FANCB: variants seen among roughly 807,000 people sequenced by gnomAD.
FANCB encodes the protein Fanconi anemia group B protein.
Under a neutral mutation model 38.9 loss-of-function variants are expected in FANCB, and 5 were observed. The ratio of observed to expected loss-of-function variants is 0.13; its 90% CI spans 0.07 to 0.27. The LOEUF (loss-of-function observed/expected upper bound fraction) is 0.27, where lower values mean the gene tolerates loss of function less well. Ranked by LOEUF, FANCB falls within the 10% of genes least tolerant of loss-of-function variation. The pLI is 1.00. For synonymous variants in FANCB, 236 were observed against 215.4 expected (o/e 1.10, Z -0.84); for missense variants, 573 against 602.7 (o/e 0.95, Z 0.52).
At chrX:14,801,772 C>A in the FANCB span, among the ~76,000 whole-genome samples, 1 of 110,313 alleles carries the variant, frequency 9.1e-6, no homozygotes, top group Non-Finnish European at 1.9e-5. Context: ...TGACCACTGG[C>A]CCCTTATACA....
At chrX:14,848,515 T>C (rs901720135) in intron 7 of FANCB, among the ~76,000 whole-genome samples, 1 of 111,992 alleles carries the variant, frequency 8.9e-6, no homozygotes, top group Non-Finnish European at 1.9e-5. Context: ...CTTCTGAGAA[T>C]TTCTGGTCTA....
chrX:14,698,179 G>A, the FANCB span, among the ~76,000 whole-genome samples: 1 of 111,069 alleles, frequency 9.0e-6, no homozygotes, highest in Non-Finnish European at 1.9e-5. Context: ...TGTTCACCAT[G>A]GATTTTTTGT....
the FANCB span, among the ~76,000 whole-genome samples, chrX:14,765,319 G>C: frequency 9.0e-6 from 1 of 111,651 alleles, no homozygotes; most frequent in Non-Finnish European, 1.9e-5. Flanking sequence ...CCCACCCAGA[G>C]AGTGAAATAA....
chrX:14,726,673 T>A, the FANCB span, among the ~76,000 whole-genome samples: 1 of 112,526 alleles, frequency 8.9e-6, no homozygotes, highest in Non-Finnish European at 1.9e-5. Flanking sequence ...TAACCTGACA[T>A]CCTTCTATTC....
chrX:14,782,965 G>T, the FANCB span, among the ~76,000 whole-genome samples: 1 of 111,088 alleles, frequency 9.0e-6, no homozygotes, highest in Admixed American at 9.6e-5. Flanking sequence ...AAAATGCACC[G>T]AACCTTATGT....
chrX:14,835,418 C>A, downstream of FANCB: 3 of 340,962 alleles, frequency 8.8e-6, no homozygotes, highest in South Asian at 9.5e-5. Flanking sequence ...CACACCTGGG[C>A]GGGTGATTCT....
At chrX:14,870,963 C>T (rs182615281) in intron 1 of FANCB, among the ~76,000 whole-genome samples, 3 of 111,417 alleles carry the variant, frequency 2.7e-5, no homozygotes, top group African/African-American at 9.8e-5. Context: ...GTTGTTTTTC[C>T]AAGACATATG....
chrX:14,778,637 G>A, the FANCB span, among the ~76,000 whole-genome samples: 25 of 112,185 alleles, frequency 2.2e-4, 1 homozygote, highest in East Asian at 7.1e-3. Context: ...CAGCTTCCCA[G>A]GTAACCCCTT....
At chrX:14,828,012 T>G in the FANCB span, among the ~76,000 whole-genome samples, 1 of 112,389 alleles carries the variant, frequency 8.9e-6, no homozygotes, top group South Asian at 3.6e-4. Flanking sequence ...CATATGAAAG[T>G]TATGTTTAAT....
chrX:14,700,671 G>A, the FANCB span, among the ~76,000 whole-genome samples: 7 of 111,304 alleles, frequency 6.3e-5, no homozygotes, highest in Admixed American at 9.6e-5. Flanking sequence ...TTTAGGCAGT[G>A]TAGTAGTGAA....
chrX:14,829,292 T>G, the FANCB span, among the ~76,000 whole-genome samples: 1 of 111,403 alleles, frequency 9.0e-6, no homozygotes, highest in Non-Finnish European at 1.9e-5. Flanking sequence ...CACCCAGGCT[T>G]GTGGATTCAT....
At chrX:14,817,004 A>C in the FANCB span, among the ~76,000 whole-genome samples, 2 of 112,060 alleles carry the variant, frequency 1.8e-5, no homozygotes, top group Non-Finnish European at 3.8e-5. Context: ...GAAACATCCT[A>C]TTATATGCCC....
At chrX:14,856,913 T>C (rs2092425436) in intron 5 of FANCB, among the ~76,000 whole-genome samples, 1 of 112,076 alleles carries the variant, frequency 8.9e-6, no homozygotes, top group Non-Finnish European at 1.9e-5. Flanking sequence ...CTAAATATAT[T>C]TGAATATGGA....
In FANCB at chrX:14,859,247, C is replaced by T; in HGVS notation, c.1039G>A (p.Asp347Asn). 1 of 1,180,460 alleles carries T rather than the reference C, an allele frequency of 8.5e-7. No homozygotes were observed. The highest frequency in any genetic ancestry group is 1.2e-6 in the Non-Finnish European group (1 of 867,782). ...GTEQVLLLFK[D>N]SLNSDCLTSF... is the part of the protein sequence containing the mutation. ...GTCAGGCAGTCTGAGTTCAAGGAGT[C>T]CTTAAAAAGTAGGAGTACTTGTTCA... The change falls in exon 4 of 10, where the codon GAC becomes AAC. Residue 347 changes from aspartate to asparagine, a missense_variant. By Grantham distance (23) the Asp-to-Asn change is conservative (BLOSUM62 1). Transcript: ENST00000650831.
chrX:14,865,114 C>T lies in FANCB; in HGVS notation c.397G>A (p.Gly133Ser). The change falls in exon 3 of 10, where the codon GGC (glycine) becomes AGC (serine). Residue 133 changes from glycine (G) to serine (S), a missense_variant. Coordinates refer to ENST00000650831, the MANE Select transcript of FANCB (RefSeq NM_001018113.3). ...SFKLGYEMKD[G>S]LRVLNGPLIL... ...AAAGGGCCATTAAGGACCCTTAGGC[C>T]ATCCTTCATCTCATAGCCTAGTTTA... 8.3e-7 allele frequency: 1 copy of T among 1,208,595 alleles called. No homozygotes were observed. Among genetic ancestry groups the T allele is most frequent in the Non-Finnish European group, 1.1e-6 (1 of 893,710 alleles).
chrX:14,706,758 G>A, the FANCB span, among the ~76,000 whole-genome samples: 10 of 111,975 alleles, frequency 8.9e-5, no homozygotes, highest in Non-Finnish European at 1.5e-4. Context: ...ATAGAGTGAG[G>A]AGCTTCACCT....
At chrX:14,867,415 CATAA>C (rs967281278) in intron 2 of FANCB, among the ~76,000 whole-genome samples, 3 of 110,841 alleles carry the variant, frequency 2.7e-5, no homozygotes, top group African/African-American at 9.9e-5. Context: ...ATGGAGAGGC[CATAA>C]ATAAATTCAT....
In FANCB at chrX:14,865,130, G is replaced by A. The variant is rs769958914; in HGVS notation, c.381C>T (p.Gly127=). The A allele has an allele frequency of 2.5e-6, 3 of 1,204,954 alleles. No homozygotes were observed. The East Asian group carries it at 8.9e-5, about 36-fold the overall frequency. ...KFEMRLSFKL[G]YEMKDGLRVL... The stretch of plus-strand genomic sequence containing the variant: ...CCCTTAGGCCATCCTTCATCTCATA[G>A]CCTAGTTTAAAACTCAAACGCATTT... The change falls in exon 3 of 10, where the codon GGC becomes GGT. Residue 127 remains glycine, a synonymous_variant. Coordinates refer to ENST00000650831, the MANE Select transcript of FANCB (RefSeq NM_001018113.3).
At chrX:14,787,964 T>TA in the FANCB span, among the ~76,000 whole-genome samples, 2 of 94,366 alleles carry the variant, frequency 2.1e-5, no homozygotes, top group Non-Finnish European at 4.1e-5. Context: ...AAAAGTATGG[T>TA]ATGACTAAAT....
Sources: gnomAD v4.1 joint callset for allele counts (sites outside exome capture counted in the v4.1 genomes callset) on GRCh38, gnomAD v4.1.1 for gene constraint, MANE v1.5 for transcripts, NCBI Gene and HGNC (gene_info 2026-07-23, HGNC 2026-07-21) for gene names.